The following EFHB variants were observed in gnomAD, a reference collection of about 807,000 sequenced individuals.
EFHB encodes the protein EF-hand domain-containing family member B.
EFHB carries 91 observed loss-of-function variants against 87.2 expected under a neutral mutation model. The observed-to-expected ratio is 1.04, with a 90% CI of 0.88 to 1.24. The LOEUF is 1.24. Among genes scored for constraint, EFHB ranks in the 50% most tolerant of loss-of-function variants. The pLI is 0.00. For missense variants in EFHB, 1,084 were observed against 998.8 expected, an observed-to-expected ratio of 1.09 and a Z score of -1.15; for synonymous variants, 325 against 333.6, an observed-to-expected ratio of 0.97 and a Z score of 0.28.
At position 19,905,671 on chromosome 3, in the gene EFHB, T is replaced by C; in HGVS notation, c.1367A>G (p.Asn456Ser). 6.2e-7 allele frequency: 1 copy of C among 1,613,916 alleles called. No individual in the cohort carries two copies. Among genetic ancestry groups the C allele is most frequent in the Non-Finnish European group, 8.5e-7 (1 of 1,179,828 alleles). Residue 456 changes from asparagine to serine, a missense_variant, in exon 6 of 13, where the codon AAT becomes AGT. Transcript: ENST00000295824. ...AGATTTTGCCATGGCTCGTCCATCA[T>C]TAAAATGTGGTGTTGGTACTCCATA... is the stretch of plus-strand genomic sequence containing the variant. ...SVYGVPTPHFNDGRAMAKSLY... is the reference protein window; with the variant it reads ...SVYGVPTPHFSDGRAMAKSLY...
At chr3:19,913,045 G>A (rs1345698187) in intron 5 of EFHB, among the ~76,000 whole-genome samples, 1 of 152,092 alleles carries the variant, frequency 6.6e-6, no homozygotes, top group African/African-American at 2.4e-5. Flanking sequence ...ATTAGCAGTG[G>A]CTAATGCCTG....
chr3:19,882,055 A>AAT (rs1559441353), intron 12 of EFHB, among the ~76,000 whole-genome samples: 28 of 140,212 alleles, frequency 2.0e-4, no homozygotes, highest in African/African-American at 7.5e-4. Flanking sequence ...AAATAAATAA[A>AAT]TAAATAATTA....
intron 12 of EFHB, among the ~76,000 whole-genome samples, chr3:19,880,924 A>T (rs2071659977): frequency 6.6e-6 from 1 of 151,996 alleles, no homozygotes; most frequent in Non-Finnish European, 1.5e-5. Context: ...AAAAAAAACA[A>T]AAAGGGAAAT....
chr3:19,918,391 G>T lies in EFHB; in HGVS notation c.1018C>A (p.Gln340Lys). The part of the protein sequence containing the change: ...SVLANTLINP[Q>K]PITTFQQKIK... ...TTCTGTTGAAATGTGGTAATAGGCT[G>T]TGGGTTTATCAATGTGTTTGCCTAA... Residue 340 changes from glutamine (Q) to lysine (K), a missense_variant, in exon 4 of 13, where the codon CAG (glutamine) becomes AAG (lysine). By Grantham distance (53) the Gln-to-Lys change is moderately conservative. Coordinates refer to ENST00000295824, the MANE Select transcript of EFHB (RefSeq NM_144715.4). 6.2e-7 allele frequency: 1 copy of T among 1,602,188 alleles called. No homozygotes were observed. Among genetic ancestry groups the T allele is most frequent in the Non-Finnish European group, 8.5e-7 (1 of 1,176,508 alleles).
chr3:19,883,119 G>A (rs2071723142), intron 11 of EFHB, among the ~76,000 whole-genome samples: 1 of 151,936 alleles, frequency 6.6e-6, no homozygotes, highest in Admixed American at 6.6e-5. Context: ...TCCCACCTCA[G>A]CCTCCCAGGT....
chr3:19,935,519 C>A (rs9878068), upstream of EFHB, among the ~76,000 whole-genome samples: 6,578 of 151,928 alleles, frequency 0.043, 451 homozygotes, highest in African/African-American at 0.15. Context: ...TGAGACCAGC[C>A]TGGCCAACAT....
At chr3:19,911,768 A>T (rs1695071365) in intron 5 of EFHB, among the ~76,000 whole-genome samples, 1 of 151,860 alleles carries the variant, frequency 6.6e-6, no homozygotes, top group Non-Finnish European at 1.5e-5. Flanking sequence ...TAAAGAATGA[A>T]GTACAACTAA....
In EFHB at chr3:19,896,702, GA is replaced by G. The variant is rs1694496851; in HGVS notation, c.1709del (p.Phe570SerfsTer11). ...YQKFDTLLAAFRHYDKKGDGM... is the reference protein window; with the variant it reads ...YQKFDTLLAAXRHYDKKGDGM... Reference sequence around the variant, plus strand: ...CATTACTGGCCTTGTCATAGTGCCTGAAGGCTGCCAGCAAAGTGTCAAACTT... The same window carrying G: ...CATTACTGGCCTTGTCATAGTGCCTGAGGCTGCCAGCAAAGTGTCAAACTT... On this transcript the variant is annotated frameshift_variant, in exon 9 of 13. Coordinates refer to ENST00000295824, the MANE Select transcript of EFHB (RefSeq NM_144715.4). LOFTEE classifies it high-confidence loss of function. 6.2e-7 allele frequency: 1 copy of G among 1,613,892 alleles called. No homozygotes were observed. The highest frequency in any genetic ancestry group is 1.3e-5 in the African/African-American group (1 of 74,944).
At chr3:19,936,762 G>A (rs967829503), upstream of EFHB, among the ~76,000 whole-genome samples, 12 of 151,682 alleles carry the variant, frequency 7.9e-5, no homozygotes, top group African/African-American at 2.2e-4. Context: ...CAGCTACTAG[G>A]GAGGCTGAGG....
chr3:19,899,421 C>A lies in EFHB; in HGVS notation c.1502+11G>T. The A allele has an allele frequency of 6.4e-7, 1 of 1,563,796 alleles. No homozygotes were observed. On this transcript the variant is annotated intron_variant, in intron 7 of 12. Coordinates refer to ENST00000295824, the MANE Select transcript of EFHB (RefSeq NM_144715.4). ...AAGAAACTATCAATTTGAAGTTAAT[C>A]ATTAACTTACGGATCTAAAACTCTT...
Position 19,896,675 on chromosome 3 carries a change from C to T in EFHB, c.1725+12G>A. The T allele has an allele frequency of 6.2e-7, 1 of 1,613,974 alleles. No homozygotes were observed. Among genetic ancestry groups the T allele is most frequent in the Non-Finnish European group, 8.5e-7 (1 of 1,179,870 alleles). On this transcript the variant is annotated intron_variant, in intron 9 of 12. Transcript: ENST00000295824. ...CCCATGCATTACCAAAAAGCTCTCC[C>T]CCATTACTGGCCTTGTCATAGTGCC...
chr3:19,931,095 C>T (rs930359572), intron 1 of EFHB, among the ~76,000 whole-genome samples: 4 of 152,022 alleles, frequency 2.6e-5, no homozygotes, highest in Non-Finnish European at 5.9e-5. Flanking sequence ...CCTGGGAGGC[C>T]GAGTTTGCAG....
intron 9 of EFHB, among the ~76,000 whole-genome samples, chr3:19,895,134 C>A (rs1371915439): frequency 6.7e-6 from 1 of 149,224 alleles, no homozygotes; most frequent in Non-Finnish European, 1.5e-5. Context: ...ATATGTAAGG[C>A]ATATCAGCAT....
Position 19,946,650 on chromosome 3 carries a change from A to G in EFHB, c.-32+269T>C, listed in dbSNP as rs1696290204. ...TTTAGCAGCCTTTACCGACCTACCCAACCCCAGGGCCATTTTGTGGGAGGA... is the reference window on the plus strand; with the variant it reads ...TTTAGCAGCCTTTACCGACCTACCCGACCCCAGGGCCATTTTGTGGGAGGA... On this transcript the variant is annotated intron_variant, in intron 1 of 14. Transcript: ENST00000344838. 2.0e-5 allele frequency among the ~76,000 whole-genome samples: 3 copies of G among 152,106 alleles called. No individual in the cohort carries two copies. The South Asian group carries it at 6.2e-4, about 32-fold the overall frequency.
Position 19,941,992 on chromosome 3 carries a change from T to C in EFHB, c.-32+4927A>G, listed in dbSNP as rs1006781715. Among the ~76,000 whole-genome samples, 12 of 151,560 alleles carry C rather than the reference T, an allele frequency of 7.9e-5. No individual in the cohort carries two copies. The East Asian group carries it at 2.3e-3, about 30-fold the overall frequency. ...CAACATGGTGAAACCACGTCTCTAC[T>C]AAAAATACAAAAAAAATTACCCAGG... On this transcript the variant is annotated intron_variant, in intron 1 of 14. Transcript: ENST00000344838.
At chr3:19,926,338 T>G (rs201258254) in intron 1 of EFHB, among the ~76,000 whole-genome samples, 17 of 12,654 alleles carry the variant, frequency 1.3e-3, no homozygotes, top group Non-Finnish European at 4.2e-3. Flanking sequence ...TTTTTTGGGG[T>G]TTTTTTTGTT....
At chr3:19,925,884 T>C (rs1293045278) in intron 1 of EFHB, among the ~76,000 whole-genome samples, 1 of 152,172 alleles carries the variant, frequency 6.6e-6, no homozygotes, top group African/African-American at 2.4e-5. Context: ...TCCCTCTGTT[T>C]TACTCAGAGA....
chr3:19,908,634 AAGAAAG>A (rs1198848869), intron 5 of EFHB, among the ~76,000 whole-genome samples: 2 of 147,612 alleles, frequency 1.4e-5, no homozygotes, highest in Non-Finnish European at 3.0e-5. Context: ...GAAAGAAAGA[AAGAAAG>A]AAAGAAAGAA....
intron 6 of EFHB, among the ~76,000 whole-genome samples, chr3:19,904,799 A>G (rs988934611): frequency 3.9e-5 from 6 of 152,200 alleles, no homozygotes; most frequent in East Asian, 1.9e-4. Flanking sequence ...ACATAGACAT[A>G]TCTTTTTGTG....
Sources: allele counts gnomAD v4.1 joint callset (sites outside exome capture counted in the v4.1 genomes callset), GRCh38; gene constraint gnomAD v4.1.1; transcripts MANE v1.5; gene names NCBI Gene and HGNC (gene_info 2026-07-23, HGNC 2026-07-21).